Variants in DDAH1 observed in about 807,000 individuals in gnomAD.
DDAH1 encodes the protein N(G),N(G)-dimethylarginine dimethylaminohydrolase 1.
A neutral mutation model predicts 28.8 loss-of-function variants in DDAH1; 19 were observed. The observed-to-expected ratio is 0.66, with a 90% confidence interval of 0.46 to 0.97. The LOEUF (loss-of-function observed/expected upper bound fraction) is 0.97. Ranked by LOEUF, DDAH1 falls within the 50% of genes least tolerant of loss-of-function variation. The pLI is 0.00. For synonymous variants in DDAH1, 153 were observed against 154.4 expected (o/e 0.99, Z 0.07); for missense variants, 326 against 375.9 (o/e 0.87, Z 1.10).
chr1:85,544,124 T>C (rs1477495586), intron 1 of DDAH1, among the ~76,000 whole-genome samples: 1 of 152,254 alleles, frequency 6.6e-6, no homozygotes, highest in African/African-American at 2.4e-5. Context: ...CTAGTTGTTT[T>C]GTCTCTATCC....
intron 4 of DDAH1, among the ~76,000 whole-genome samples, chr1:85,336,711 A>T (rs72722678): frequency 6.6e-6 from 1 of 152,240 alleles, no homozygotes; most frequent in Non-Finnish European, 1.5e-5. Context: ...AATAGAGTTA[A>T]AAAATAATAC....
chr1:85,455,420 C>A (rs775747584), intron 1 of DDAH1, among the ~76,000 whole-genome samples: 1 of 152,098 alleles, frequency 6.6e-6, no homozygotes, highest in Non-Finnish European at 1.5e-5. Context: ...AGGAAGGCTA[C>A]TTTTAAGTAG....
intron 1 of DDAH1, among the ~76,000 whole-genome samples, chr1:85,374,946 A>G (rs1448749511): frequency 6.6e-6 from 1 of 152,214 alleles, no homozygotes; most frequent in Non-Finnish European, 1.5e-5. Flanking sequence ...GACCTAACCC[A>G]AAGCAGAGAT....
intron 2 of DDAH1, among the ~76,000 whole-genome samples, chr1:85,471,827 C>G (rs1296402059): frequency 6.6e-6 from 1 of 152,236 alleles, no homozygotes; most frequent in South Asian, 2.1e-4. Context: ...CTGGTCCCCA[C>G]CTCCTCCTGT....
At chr1:85,538,647 C>T (rs1200630126) in intron 1 of DDAH1, among the ~76,000 whole-genome samples, 1 of 152,026 alleles carries the variant, frequency 6.6e-6, no homozygotes, top group Admixed American at 6.6e-5. Context: ...AAGAACAACT[C>T]AAAGCTACTA....
chr1:85,548,408 A>G (rs1048164940), intron 1 of DDAH1, among the ~76,000 whole-genome samples: 3 of 152,210 alleles, frequency 2.0e-5, no homozygotes, highest in South Asian at 2.1e-4. Context: ...AGCTTGTACT[A>G]TAATTACCCA....
At chr1:85,467,274 C>T (rs79188578), upstream of DDAH1, 2,510 of 152,396 alleles carry the variant, frequency 0.016, 63 homozygotes, top group East Asian at 0.11. Flanking sequence ...ATCTAGCAAT[C>T]TTCATTCATG....
chr1:85,401,255 GC>G (rs1348572427), intron 1 of DDAH1, among the ~76,000 whole-genome samples: 1 of 152,092 alleles, frequency 6.6e-6, no homozygotes, highest in Non-Finnish European at 1.5e-5. Context: ...AATGAAGAGG[GC>G]CTACTATGAA....
chr1:85,537,351 TA>T lies in DDAH1; in HGVS notation c.-123+40632del, dbSNP rs199872613. Among the ~76,000 whole-genome samples, 310 of 143,738 alleles carry T rather than the reference TA, an allele frequency of 2.2e-3. 2 individuals are homozygous for T. The Middle Eastern group carries it at 0.03, about 14-fold the overall frequency. 94.3% of individuals were successfully genotyped at this position (143,738 alleles called of 152,430 possible). ...CCTGTCTCAAAAATAATAATAATAATAAAAAAAAATCCTGTAACATGCAACA... is the reference window on the plus strand; with the variant it reads ...CCTGTCTCAAAAATAATAATAATAATAAAAAAAATCCTGTAACATGCAACA... On this transcript the variant is annotated intron_variant, in intron 1 of 6. Coordinates refer to the DDAH1 transcript ENST00000426972.
In DDAH1 at chr1:85,347,361, C is replaced by T. The variant is rs897001868; in HGVS notation, c.597+3054G>A. ...ATTCACAATAGCAAAGACTTGGAAC[C>T]AACCCAAATGTCCATCAATGATAGA... On this transcript the variant is annotated intron_variant, in intron 4 of 5. Transcript: ENST00000284031. 1.2e-4 allele frequency among the ~76,000 whole-genome samples: 19 copies of T among 152,156 alleles called. 1 individual carries two copies. Among genetic ancestry groups the T allele is most frequent in the African/African-American group, 4.6e-4 (19 of 41,434 alleles).
chr1:85,409,822 T>C (rs1652564983), intron 1 of DDAH1, among the ~76,000 whole-genome samples: 1 of 152,230 alleles, frequency 6.6e-6, no homozygotes, highest in African/African-American at 2.4e-5. Flanking sequence ...GTGAAGCACC[T>C]ACCTATGCTA....
At chr1:85,539,912 A>G (rs1245867987) in intron 1 of DDAH1, among the ~76,000 whole-genome samples, 1 of 151,270 alleles carries the variant, frequency 6.6e-6, no homozygotes, top group African/African-American at 2.4e-5. Context: ...CTATGTGACC[A>G]GTGCTTTACA....
chr1:85,328,519 C>T (rs1250394081), intron 4 of DDAH1, among the ~76,000 whole-genome samples: 1 of 152,160 alleles, frequency 6.6e-6, no homozygotes, highest in African/African-American at 2.4e-5. Context: ...ATGTCTAAAT[C>T]TCTGTTTATT....
At chr1:85,549,537 G>C (rs1002450698) in intron 1 of DDAH1, among the ~76,000 whole-genome samples, 2 of 152,194 alleles carry the variant, frequency 1.3e-5, no homozygotes, top group African/African-American at 4.8e-5. Context: ...AAGGCACCTG[G>C]TTCATCTCTG....
intron 1 of DDAH1, among the ~76,000 whole-genome samples, chr1:85,508,017 C>G (rs1485222005): frequency 6.6e-6 from 1 of 152,060 alleles, no homozygotes; most frequent in Non-Finnish European, 1.5e-5. Context: ...TCATCTGTAC[C>G]CCATCAGGAG....
intron 1 of DDAH1, among the ~76,000 whole-genome samples, chr1:85,500,116 TTCTTTCTTTCTTTCTTTCTTTC>T (rs1656749973): frequency 2.5e-4 from 1 of 3,978 alleles, no homozygotes; most frequent in Admixed American, 4.8e-3. Context: ...TTCTTTTCTT[TTCTTTCTTTCTTTCTTTCTTTC>T]TTTCTTTCTT....
chr1:85,338,734 T>TA lies in DDAH1; in HGVS notation c.597+11680dup, dbSNP rs1648283313. Among the ~76,000 whole-genome samples, 5 of 152,236 alleles carry TA rather than the reference T, an allele frequency of 3.3e-5. No individual in the cohort carries two copies. The South Asian group carries it at 1.0e-3, about 32-fold the overall frequency. On this transcript the variant is annotated intron_variant, in intron 4 of 5. Coordinates refer to ENST00000284031, the MANE Select transcript of DDAH1 (RefSeq NM_012137.4). ...CATTAAAGTTTGAGGACCACTAACTTACACTATTCAAATTAATATGATCTG... is the reference window on the plus strand; with the variant it reads ...CATTAAAGTTTGAGGACCACTAACTTAACACTATTCAAATTAATATGATCTG...
Position 85,559,047 on chromosome 1 carries a change from C to T in DDAH1, c.-123+18937G>A, listed in dbSNP as rs757486431. Among the ~76,000 whole-genome samples the T allele has an allele frequency of 1.0e-3, 154 of 152,280 alleles. 1 individual carries two copies. The highest frequency in any genetic ancestry group is 1.6e-3 in the Non-Finnish European group (112 of 68,022). On this transcript the variant is annotated intron_variant, in intron 1 of 6. Transcript: ENST00000426972. ...AAGTATAAACTGGAAAGCAGTTTGA[C>T]ATTATATATCATTATTAAAAGAATT...
chr1:85,420,390 T>C (rs568644687), intron 1 of DDAH1, among the ~76,000 whole-genome samples: 32 of 152,358 alleles, frequency 2.1e-4, no homozygotes, highest in African/African-American at 7.0e-4. Flanking sequence ...GTTCCAGCTT[T>C]AAGTCATTTA....
Sources: allele counts gnomAD v4.1 joint callset (sites outside exome capture counted in the v4.1 genomes callset), GRCh38; gene constraint gnomAD v4.1.1; transcripts MANE v1.5; gene names NCBI Gene and HGNC (gene_info 2026-07-23, HGNC 2026-07-21).